Variants in CEP72 observed in about 807,000 individuals in gnomAD.
CEP72 encodes the protein centrosomal protein 72.
CEP72 carries 78 observed loss-of-function variants against 65.7 expected under a neutral mutation model. The ratio of observed to expected loss-of-function variants is 1.19; its 90% CI spans 0.99 to 1.43. The LOEUF (loss-of-function observed/expected upper bound fraction) is 1.43. Among genes scored for constraint, CEP72 ranks in the 40% most tolerant of loss-of-function variants. The pLI is 0.00. For synonymous variants in CEP72, 358 were observed against 351.7 expected, an observed-to-expected ratio of 1.02 and a Z score of -0.20; for missense variants, 914 against 832.9, an observed-to-expected ratio of 1.10 and a Z score of -1.20.
intron 10 of CEP72, among the ~76,000 whole-genome samples, chr5:647,525 C>CCT (rs1248179115): frequency 6.6e-6 from 1 of 152,172 alleles, no homozygotes; most frequent in Non-Finnish European, 1.5e-5. Context: ...GCCAGTGCCG[C>CCT]CTCTCCCTGC....
At chr5:649,107 G>T (rs1738699908) in intron 11 of CEP72, among the ~76,000 whole-genome samples, 1 of 62,808 alleles carries the variant, frequency 1.6e-5, no homozygotes, top group Non-Finnish European at 3.5e-5. Context: ...GTGAGGTGTG[G>T]ACTGTGAGGT....
rs1390447183 is a variant in CEP72, at chr5:653,234, G to A, written c.*81G>A. 6.1e-6 allele frequency: 8 copies of A among 1,313,346 alleles called. No individual in the cohort carries two copies. The South Asian group carries it at 1.1e-4, about 19-fold the overall frequency. 81.4% of individuals were successfully genotyped at this position (1,313,346 alleles called of 1,614,324 possible). ...GCACCTTTGTACTTCTTTATTGAGT[G>A]TACTGGCTGGCAAGAGTTCTCTCTT... On this transcript the variant is annotated 3_prime_UTR_variant, in exon 12 of 12. Coordinates refer to ENST00000264935, the MANE Select transcript of CEP72 (RefSeq NM_018140.4).
At chr5:620,623 C>T (rs973607729) in intron 3 of CEP72, among the ~76,000 whole-genome samples, 3 of 152,212 alleles carry the variant, frequency 2.0e-5, no homozygotes, top group African/African-American at 7.2e-5. Flanking sequence ...GGTATCATCT[C>T]AGGTGCAGCT....
rs1190110092 is a variant in CEP72, at chr5:641,039, G to GA, written c.1539+439dup. Reference sequence around the variant, plus strand: ...GCAAGTTACCCCAAAACCAGCAGCTGAAAACCTGCATTTATCACCTTGGAT... The same window carrying GA: ...GCAAGTTACCCCAAAACCAGCAGCTGAAAAACCTGCATTTATCACCTTGGAT... On this transcript the variant is annotated intron_variant, in intron 9 of 11. Transcript: ENST00000264935. The GA allele has an allele frequency of 1.5e-5, 15 of 985,318 alleles. No homozygotes were observed. In the African/African-American group the frequency reaches 2.6e-4, roughly 17 times the overall value. The allele number at this position is 985,318 out of a possible 1,614,324, so 61.0% of individuals were successfully genotyped here. A position where few individuals can be genotyped will look rare whatever the true frequency, so the allele number is the denominator to read the frequency against.
In CEP72 at chr5:620,107, C is replaced by A. The variant is rs756674664; in HGVS notation, c.249C>A (p.Leu83=). The part of the protein sequence containing the change: ...QYLTALESLN[L]YYNCISSLAE... The stretch of plus-strand genomic sequence containing the variant: ...TGACTGCATTGGAGAGTCTCAATCT[C>A]TACTACAACTGCATCTCCTCGTTGG... Residue 83 remains leucine, a synonymous_variant, in exon 3 of 12, where the codon CTC becomes CTA. Coordinates refer to ENST00000264935, the MANE Select transcript of CEP72 (RefSeq NM_018140.4). The A allele has an allele frequency of 6.2e-7, 1 of 1,614,092 alleles. No individual in the cohort carries two copies. Among genetic ancestry groups the A allele is most frequent in the Non-Finnish European group, 8.5e-7 (1 of 1,179,920 alleles).
chr5:671,139 C>T (rs1367210002), downstream of CEP72, among the ~76,000 whole-genome samples: 3 of 152,182 alleles, frequency 2.0e-5, no homozygotes, highest in African/African-American at 7.2e-5. Context: ...AGGCTCCCCC[C>T]TGCCTGAGGG....
rs11738426 is a variant in CEP72, at chr5:633,350, A to G, written c.513-419A>G. On this transcript the variant is annotated intron_variant, in intron 4 of 11. Coordinates refer to ENST00000264935, the MANE Select transcript of CEP72 (RefSeq NM_018140.4). ...TCCTGGTGGGGTTCTGTCCAGTGCC[A>G]GGATTTAGTCCCGTCCTGGTGGGGT... Among the ~76,000 whole-genome samples, 138 of 86,278 alleles carry G rather than the reference A, an allele frequency of 1.6e-3. 2 individuals are homozygous for G. Among genetic ancestry groups the G allele is most frequent in the Middle Eastern group, 6.7e-3 (1 of 150 alleles). The allele number at this position is 86,278 out of a possible 152,430, so 56.6% of individuals were successfully genotyped here.
intron 11 of CEP72, among the ~76,000 whole-genome samples, chr5:649,587 C>CTG (rs1313996243): frequency 6.1e-5 from 5 of 82,172 alleles, no homozygotes; most frequent in African/African-American, 9.2e-5. Flanking sequence ...TGAGGCGTGA[C>CTG]TGAGGCGTGA....
Position 618,972 on chromosome 5 carries a change from C to A in CEP72, c.83-18C>A, listed in dbSNP as rs375447195. 380 of 1,581,994 alleles carry A rather than the reference C, an allele frequency of 2.4e-4. 1 individual carries two copies. Among genetic ancestry groups the A allele is most frequent in the Middle Eastern group, 8.4e-4 (5 of 5,956 alleles). ...TTCAAAATAAAAGATTAAAATCTTA[C>A]AATTTTTCTATTCTTAGCTGAGCTT... On this transcript the variant is annotated intron_variant, in intron 1 of 11. Transcript: ENST00000264935.
At chr5:628,580 GCCCCCTTCTTT>G (rs1736941559) in intron 4 of CEP72, among the ~76,000 whole-genome samples, 1 of 133,734 alleles carries the variant, frequency 7.5e-6, no homozygotes, top group African/African-American at 2.5e-5. Flanking sequence ...CCAGGACCCA[GCCCCCTTCTTT>G]GTGCAGCTTC....
chr5:628,679 A>T lies in CEP72; in HGVS notation c.512+4100A>T, dbSNP rs113104267. Among the ~76,000 whole-genome samples the T allele has an allele frequency of 8.0e-4, 33 of 41,054 alleles. 3 individuals carry two copies. The highest frequency in any genetic ancestry group is 1.5e-3 in the African/African-American group (19 of 13,046). 26.9% of individuals were successfully genotyped at this position (41,054 alleles called of 152,430 possible). On this transcript the variant is annotated intron_variant, in intron 4 of 11. Transcript: ENST00000264935. The stretch of plus-strand genomic sequence containing the variant: ...TCTTTGTGCAGCTTCTGGAGAACTC[A>T]GGTCACAGGCCCCGGGGAGTGTTCC...
At chr5:670,761 T>C (rs1740192463), downstream of CEP72, among the ~76,000 whole-genome samples, 1 of 152,126 alleles carries the variant, frequency 6.6e-6, no homozygotes, top group Admixed American at 6.5e-5. Flanking sequence ...CCCAGCAAGA[T>C]ACAGAGGACC....
intron 4 of CEP72, among the ~76,000 whole-genome samples, 185 bp from the exon 5 acceptor site, chr5:633,584 C>T (rs1252895489): frequency 6.6e-6 from 1 of 152,248 alleles, no homozygotes; most frequent in Non-Finnish European, 1.5e-5. Context: ...CTGTTGCTCA[C>T]CGATTGTCCT....
intron 1 of CEP72, 194 bp downstream of exon 1, chr5:612,637 C>T: frequency 1.0e-6 from 1 of 985,176 alleles, no homozygotes; most frequent in Non-Finnish European, 1.2e-6. Context: ...GGTGCGGCCC[C>T]TGCCCGCGTT....
At chr5:634,005 T>C in intron 5 of CEP72, 58 bp downstream of exon 5, 5 of 1,527,820 alleles carry the variant, frequency 3.3e-6, no homozygotes, top group Non-Finnish European at 4.5e-6. Flanking sequence ...ATATATATAG[T>C]CGTTACTGGG....
At chr5:636,830 AAAAGAG>A in intron 6 of CEP72, among the ~76,000 whole-genome samples, 1 of 151,924 alleles carries the variant, frequency 6.6e-6, no homozygotes, top group African/African-American at 2.4e-5. Flanking sequence ...AAAAAAAAGA[AAAAGAG>A]AAACCTTGTC....
intron 7 of CEP72, among the ~76,000 whole-genome samples, 191 bp downstream of exon 7, chr5:638,009 G>A (rs1236256077): frequency 1.3e-5 from 2 of 151,738 alleles, no homozygotes; most frequent in African/African-American, 2.4e-5. Context: ...GGGCTGTTAC[G>A]GCTTTGGCGG....
In CEP72 at chr5:645,921, GCTTCGTTACA is replaced by G. The variant is rs1377887417; in HGVS notation, c.1666+1499_1666+1508del. On this transcript the variant is annotated intron_variant, in intron 10 of 11. Transcript: ENST00000264935. This position sits in a 1 kb window ranked among gnomAD's most constrained non-coding sequence, Gnocchi z 4.0. ...GCGGCCTGTGTGGACGGTGAATTCG[GCTTCGTTACA>G]CTGTGTGAGCGTCACTCCTGCTCCC... is the stretch of plus-strand genomic sequence containing the variant. Among the ~76,000 whole-genome samples, 1 of 151,844 alleles carries G rather than the reference GCTTCGTTACA, an allele frequency of 6.6e-6. No homozygotes were observed. Among genetic ancestry groups the G allele is most frequent in the African/African-American group, 2.4e-5 (1 of 41,324 alleles).
intron 4 of CEP72, 60 bp from the exon 5 acceptor site, chr5:633,709 G>A (rs558559573): frequency 6.6e-7 from 1 of 1,525,726 alleles, no homozygotes; most frequent in African/African-American, 1.4e-5. Context: ...CTCCTGGTCT[G>A]CGTGGGCCGG....
Sources: allele counts gnomAD v4.1 joint callset (sites outside exome capture counted in the v4.1 genomes callset), GRCh38; gene constraint gnomAD v4.1.1; non-coding constraint Gnocchi (gnomAD v3.1); transcripts MANE v1.5; gene names NCBI Gene and HGNC (gene_info 2026-07-23, HGNC 2026-07-21).